Variants in FBXL20 observed in about 807,000 individuals in gnomAD.
The protein encoded by FBXL20 is F-box and leucine rich repeat protein 20, also known as F-box/LRR-repeat protein 20.
In FBXL20, 11 loss-of-function variants were observed where a neutral mutation model predicts 64.0. The observed-to-expected ratio is 0.17, with a 90% CI of 0.11 to 0.28. FBXL20 has a LOEUF of 0.28. FBXL20 is among the 10% of genes least tolerant of loss of function. The pLI is 1.00. For synonymous variants in FBXL20, 184 were observed against 189.0 expected (o/e 0.97, Z 0.22); for missense variants, 303 against 526.2 (o/e 0.58, Z 4.15).
intron 12 of FBXL20, among the ~76,000 whole-genome samples, chr17:39,266,223 G>GT (rs35541270): frequency 0.053 from 5,800 of 110,194 alleles, 434 homozygotes; most frequent in African/African-American, 0.17. Context: ...CTAGTTTGTT[G>GT]TTTTTTTTTT....
At chr17:39,375,374 G>T (rs921707370) in intron 1 of FBXL20, among the ~76,000 whole-genome samples, 7 of 151,578 alleles carry the variant, frequency 4.6e-5, no homozygotes, top group African/African-American at 1.7e-4. Flanking sequence ...AGAAACAAAC[G>T]AAAAAAATTT....
chr17:39,270,788 A>G lies in FBXL20; in HGVS notation c.888+8T>C, dbSNP rs141026866. On this transcript the variant is annotated splice_region_variant and intron_variant, in intron 11 of 14. Transcript: ENST00000264658. ...AACAAACCTATGGAACCTAAAGAAA[A>G]TACTTACCCTGGCTAGAGTGGTAAA... 6.2e-7 allele frequency: 1 copy of G among 1,606,120 alleles called. No homozygotes were observed. Among genetic ancestry groups the G allele is most frequent in the Non-Finnish European group, 8.5e-7 (1 of 1,177,048 alleles).
chr17:39,287,663 C>G (rs1283519701), intron 6 of FBXL20, among the ~76,000 whole-genome samples: 1 of 152,130 alleles, frequency 6.6e-6, no homozygotes, highest in Non-Finnish European at 1.5e-5. Context: ...CCTTGGCCTT[C>G]CAGAGTGCTG....
chr17:39,385,986 C>T (rs1487673414), intron 1 of FBXL20, among the ~76,000 whole-genome samples: 4 of 144,984 alleles, frequency 2.8e-5, no homozygotes, highest in Non-Finnish European at 4.5e-5. Context: ...GCCAAGATCG[C>T]GCCACTGTAC....
At chr17:39,352,682 G>GAAAAAA (rs11373643) in intron 1 of FBXL20, among the ~76,000 whole-genome samples, 5 of 122,758 alleles carry the variant, frequency 4.1e-5, no homozygotes, top group African/African-American at 1.2e-4. Flanking sequence ...CTCTGTCTGG[G>GAAAAAA]AAAAAAAAAA....
At chr17:39,355,376 C>T (rs1247858015) in intron 1 of FBXL20, among the ~76,000 whole-genome samples, 2 of 151,820 alleles carry the variant, frequency 1.3e-5, no homozygotes, top group Non-Finnish European at 2.9e-5. Context: ...CGACACCTGG[C>T]CTTCTTCATA....
At chr17:39,268,791 T>C (rs775451007) in intron 12 of FBXL20, 36 bp downstream of exon 12, 8 of 1,572,606 alleles carry the variant, frequency 5.1e-6, no homozygotes, top group Non-Finnish European at 5.2e-6. Context: ...AAGTGTCTAC[T>C]ATACTGTATT....
rs536553516 is a variant in FBXL20, at chr17:39,400,103, A to G, written c.42+1258T>C. ...TATTAAACACCAAATAATATATTCCATAACATTTTCTTCTAGTGATCAAGT... is the reference window on the plus strand; with the variant it reads ...TATTAAACACCAAATAATATATTCCGTAACATTTTCTTCTAGTGATCAAGT... On this transcript the variant is annotated intron_variant, in intron 1 of 14. Transcript: ENST00000264658. Among the ~76,000 whole-genome samples the G allele has an allele frequency of 1.1e-3, 162 of 152,306 alleles. 1 individual carries two copies. In the South Asian group the frequency reaches 0.031, roughly 29 times the overall value.
At chr17:39,381,478 TCAA>T (rs2048022664) in intron 1 of FBXL20, among the ~76,000 whole-genome samples, 1 of 75,438 alleles carries the variant, frequency 1.3e-5, no homozygotes. Flanking sequence ...AGACTCTGTC[TCAA>T]AAAAAAAAAA....
At chr17:39,262,081 C>A (rs1049149381) in intron 14 of FBXL20, among the ~76,000 whole-genome samples, 3 of 151,810 alleles carry the variant, frequency 2.0e-5, no homozygotes, top group Non-Finnish European at 2.9e-5. Context: ...TAAGTAGGCA[C>A]GTAAGAGGCT....
At chr17:39,336,922 T>A (rs974361126) in intron 2 of FBXL20, among the ~76,000 whole-genome samples, 1 of 150,826 alleles carries the variant, frequency 6.6e-6, no homozygotes, top group South Asian at 2.1e-4. Flanking sequence ...TATAACATCA[T>A]GGATGTTAAA....
At chr17:39,274,055 T>G (rs370749795) in intron 10 of FBXL20, among the ~76,000 whole-genome samples, 4 of 151,930 alleles carry the variant, frequency 2.6e-5, no homozygotes, top group Admixed American at 1.3e-4. Flanking sequence ...TTTTATTTTT[T>G]GTAGTGACAG....
chr17:39,383,189 A>G (rs2048043727), intron 1 of FBXL20, among the ~76,000 whole-genome samples: 1 of 151,734 alleles, frequency 6.6e-6, no homozygotes, highest in Admixed American at 6.6e-5. Flanking sequence ...AGAAAAACTG[A>G]AATATTCATA....
At chr17:39,302,400 G>A (rs549293838) in intron 3 of FBXL20, among the ~76,000 whole-genome samples, 15 of 146,990 alleles carry the variant, frequency 1.0e-4, no homozygotes, top group Admixed American at 2.7e-4. Flanking sequence ...TTGAGACGGA[G>A]TCTCGTTCTG....
At chr17:39,341,355 A>G (rs1409158497) in intron 2 of FBXL20, among the ~76,000 whole-genome samples, 1 of 152,214 alleles carries the variant, frequency 6.6e-6, no homozygotes, top group African/African-American at 2.4e-5. Flanking sequence ...AATATAACAC[A>G]TATAAATCCA....
intron 6 of FBXL20, among the ~76,000 whole-genome samples, chr17:39,295,379 G>A (rs2047075059): frequency 6.6e-6 from 1 of 151,998 alleles, no homozygotes; most frequent in Non-Finnish European, 1.5e-5. Context: ...CGATTCTCAT[G>A]CCTCAGCCTC....
At chr17:39,302,871 T>C (rs1017948056) in intron 3 of FBXL20, among the ~76,000 whole-genome samples, 3 of 152,020 alleles carry the variant, frequency 2.0e-5, no homozygotes, top group Admixed American at 6.6e-5. Context: ...AACTGTGATA[T>C]AGTGATTTGG....
rs1246210813 is a variant in FBXL20, at chr17:39,258,941, T to C, written c.*2519A>G. 1 of 152,132 alleles carries C rather than the reference T, an allele frequency of 6.6e-6. No homozygotes were observed. The highest frequency in any genetic ancestry group is 2.4e-5 in the African/African-American group (1 of 41,414). The allele number at this position is 152,132 out of a possible 1,614,324, so 9.4% of individuals were successfully genotyped here. A position where few individuals can be genotyped will look rare whatever the true frequency, so the allele number is the denominator to read the frequency against. ...TTCATGTTAAAAACTATATTCCTTA[T>C]AAGGTAATCTGAAAGAGAATAAGGG... On this transcript the variant is annotated 3_prime_UTR_variant, in exon 15 of 15. Transcript: ENST00000264658.
At chr17:39,269,008 A>AC (rs1373353754) in intron 11 of FBXL20, 137 bp from the exon 12 acceptor site, 397 of 760,112 alleles carry the variant, frequency 5.2e-4, no homozygotes, top group Middle Eastern at 2.3e-3. Flanking sequence ...GTGTCATGCT[A>AC]ATTTTTTTTT....
Sources: gnomAD v4.1 joint callset for allele counts (sites outside exome capture counted in the v4.1 genomes callset) on GRCh38, gnomAD v4.1.1 for gene constraint, MANE v1.5 for transcripts, NCBI Gene and HGNC (gene_info 2026-07-23, HGNC 2026-07-21) for gene names.